The following FNBP1 variants were observed in gnomAD, a reference collection of about 807,000 sequenced individuals.
The protein encoded by FNBP1 is formin-binding protein 1.
FNBP1 carries 26 observed loss-of-function variants against 90.6 expected under a neutral mutation model. The observed-to-expected ratio is 0.29, with a 90% CI of 0.21 to 0.40. FNBP1 has a LOEUF of 0.40. FNBP1 is among the 10% of genes least tolerant of loss of function. The pLI, the probability that FNBP1 is intolerant of heterozygous loss-of-function variation, is 1.00. For missense variants in FNBP1, 635 were observed against 768.0 expected (o/e 0.83, Z 2.05); for synonymous variants, 260 against 265.2 (o/e 0.98, Z 0.19).
chr9:129,943,082 A>G (rs2044572366), intron 6 of FNBP1, among the ~76,000 whole-genome samples: 1 of 152,280 alleles, frequency 6.6e-6, no homozygotes, highest in Middle Eastern at 3.4e-3. Context: ...AGGCAGGTCA[A>G]CGTCGGCAAC....
chr9:129,916,107 C>A, intron 10 of FNBP1, 127 bp from the exon 11 acceptor site: 1 of 662,518 alleles, frequency 1.5e-6, no homozygotes, highest in Admixed American at 2.7e-5. Context: ...ATAACACACA[C>A]GTCTACCCGC....
At chr9:129,914,386 T>C (rs1176469362) in intron 11 of FNBP1, among the ~76,000 whole-genome samples, 1 of 151,988 alleles carries the variant, frequency 6.6e-6, no homozygotes. Flanking sequence ...AAAGCAACAA[T>C]TCAATACCAA....
chr9:129,980,684 A>C (rs941664968), intron 2 of FNBP1, among the ~76,000 whole-genome samples: 8 of 151,622 alleles, frequency 5.3e-5, no homozygotes, highest in African/African-American at 1.5e-4. Context: ...AAAAAAAAAA[A>C]AAAACCCTCA....
At chr9:130,016,544 C>T (rs944460290) in intron 1 of FNBP1, among the ~76,000 whole-genome samples, 16 of 152,102 alleles carry the variant, frequency 1.1e-4, no homozygotes, top group African/African-American at 3.4e-4. Flanking sequence ...GGGAGTTCAA[C>T]ACCAGCCTGA....
chr9:130,046,235 A>T (rs1178858373), upstream of FNBP1, among the ~76,000 whole-genome samples: 1 of 152,112 alleles, frequency 6.6e-6, no homozygotes, highest in East Asian at 1.9e-4. Context: ...CACCATAAAG[A>T]CCAAGACAAG....
At chr9:129,953,776 G>C in intron 6 of FNBP1, among the ~76,000 whole-genome samples, 2 of 151,548 alleles carry the variant, frequency 1.3e-5, no homozygotes, top group East Asian at 3.9e-4. Context: ...CTTTTTAAAA[G>C]GGTAATGGAA....
chr9:129,940,849 T>C (rs1374865997), intron 6 of FNBP1, among the ~76,000 whole-genome samples: 1 of 151,774 alleles, frequency 6.6e-6, no homozygotes, highest in Non-Finnish European at 1.5e-5. Flanking sequence ...ATGGTCTCAA[T>C]CTCTTGACCT....
intron 9 of FNBP1, among the ~76,000 whole-genome samples, chr9:129,924,247 A>G (rs1280165356): frequency 1.3e-5 from 2 of 152,220 alleles, no homozygotes; most frequent in East Asian, 3.8e-4. Context: ...AGCAAGAAAT[A>G]TCTGACAAGA....
At chr9:130,034,080 G>A (rs559951594) in intron 1 of FNBP1, among the ~76,000 whole-genome samples, 137 of 151,324 alleles carry the variant, frequency 9.1e-4, no homozygotes, top group African/African-American at 2.9e-3. Context: ...CCAGCACTTT[G>A]GGAGGCCAAG....
chr9:129,959,901 G>C (rs1487703841), intron 4 of FNBP1, among the ~76,000 whole-genome samples: 2 of 152,112 alleles, frequency 1.3e-5, no homozygotes, highest in Non-Finnish European at 2.9e-5. Context: ...TATGAATGGA[G>C]ACATGGTCTG....
intron 8 of FNBP1, 104 bp downstream of exon 8, chr9:129,927,091 A>G (rs1347623253): frequency 3.4e-6 from 4 of 1,185,872 alleles, no homozygotes; most frequent in Non-Finnish European, 4.9e-6. Context: ...ACCAAAAGCA[A>G]CCATCCACCA....
rs557481370 is a variant in FNBP1 at position 130,025,085 on chromosome 9, C to T, written c.24+17867G>A. ...ATCCCAGCTACTCAGGAGACTGAGG[C>T]AGGAGAATTGCTTGAACCCAGAAGG... On this transcript the variant is annotated intron_variant, in intron 1 of 16. Transcript: ENST00000446176. Among the ~76,000 whole-genome samples, 3 of 152,116 alleles carry T rather than the reference C, an allele frequency of 2.0e-5. No homozygotes were observed. The East Asian group carries it at 5.8e-4, about 29-fold the overall frequency.
chr9:129,892,391 AC>A (rs2035193567), intron 16 of FNBP1, among the ~76,000 whole-genome samples: 5 of 142,784 alleles, frequency 3.5e-5, no homozygotes, highest in South Asian at 2.4e-4. Context: ...ACACACACAC[AC>A]ACACACACAC....
At chr9:129,907,404 G>A (rs568304515) in intron 12 of FNBP1, among the ~76,000 whole-genome samples, 13 of 152,306 alleles carry the variant, frequency 8.5e-5, no homozygotes, top group Non-Finnish European at 1.6e-4. Flanking sequence ...TGACACATCA[G>A]CAGTAGTAAC....
intron 10 of FNBP1, among the ~76,000 whole-genome samples, chr9:129,921,406 T>G (rs1240162224): frequency 1.3e-5 from 2 of 151,210 alleles, no homozygotes; most frequent in African/African-American, 2.4e-5. Context: ...TTTTTTTTTC[T>G]TTTTTGAGAC....
At chr9:129,948,071 T>C (rs1399663106) in intron 6 of FNBP1, among the ~76,000 whole-genome samples, 1 of 151,392 alleles carries the variant, frequency 6.6e-6, no homozygotes, top group Non-Finnish European at 1.5e-5. Flanking sequence ...GGAGGATCAC[T>C]TGAGGCTAGG....
chr9:129,922,449 A>G (rs1164423896), intron 10 of FNBP1, among the ~76,000 whole-genome samples: 2 of 152,200 alleles, frequency 1.3e-5, no homozygotes, highest in African/African-American at 4.8e-5. Context: ...CCCCGGATCT[A>G]AATCCCGGCT....
chr9:129,974,120 C>A lies in FNBP1; in HGVS notation c.345+4345G>T, dbSNP rs112061769. Among the ~76,000 whole-genome samples the A allele has an allele frequency of 3.9e-3, 589 of 152,314 alleles. 4 individuals are homozygous for A. The highest frequency in any genetic ancestry group is 0.014 in the African/African-American group (563 of 41,576). On this transcript the variant is annotated intron_variant, in intron 4 of 16. Coordinates refer to ENST00000446176, the MANE Select transcript of FNBP1 (RefSeq NM_015033.3). ...TACAGGCGTGAGTCACCGCGCCCAG[C>A]CAAACAGCTCTTTTTCTAAGACTAG...
At position 129,925,230 on chromosome 9, in the gene FNBP1, G is replaced by T. The variant is rs547550385; in HGVS notation, c.790-73C>A. 94 of 1,252,580 alleles carry T rather than the reference G, an allele frequency of 7.5e-5. No individual in the cohort carries two copies. The African/African-American group carries it at 1.0e-3, about 14-fold the overall frequency. 77.6% of individuals were successfully genotyped at this position (1,252,580 alleles called of 1,614,324 possible). A position where few individuals can be genotyped will look rare whatever the true frequency, so the allele number is the denominator to read the frequency against. On this transcript the variant is annotated intron_variant, in intron 8 of 16. Coordinates refer to ENST00000446176, the MANE Select transcript of FNBP1 (RefSeq NM_015033.3). The stretch of plus-strand genomic sequence containing the variant: ...CACTTTTTAAACAATGAATTGGCCA[G>T]GTGCGGTGGCTCATGCCTGTAATCC...
Sources: allele counts gnomAD v4.1 joint callset (sites outside exome capture counted in the v4.1 genomes callset), GRCh38; gene constraint gnomAD v4.1.1; transcripts MANE v1.5; gene names NCBI Gene and HGNC (gene_info 2026-07-23, HGNC 2026-07-21).